USP34: variants seen among roughly 807,000 people sequenced by gnomAD.
USP34 encodes ubiquitin carboxyl-terminal hydrolase 34.
Under a neutral mutation model 460.3 loss-of-function variants are expected in USP34, and 70 were observed. The ratio of observed to expected loss-of-function variants is 0.15; its 90% CI spans 0.13 to 0.19. The LOEUF is 0.19. USP34 is among the 10% of genes least tolerant of loss of function. The pLI is 1.00. For synonymous variants in USP34, 1,647 were observed against 1,405.3 expected (o/e 1.17, Z -3.85); for missense variants, 3,985 against 4,236.2 (o/e 0.94, Z 1.65).
At chr2:61,423,024 C>CT (rs1234695519) in intron 1 of USP34, among the ~76,000 whole-genome samples, 1 of 152,102 alleles carries the variant, frequency 6.6e-6, no homozygotes, top group Non-Finnish European at 1.5e-5. Context: ...GTGAGACCCC[C>CT]TCTCAAAAAC....
At chr2:61,467,615 T>TAG (rs1553397157) in intron 1 of USP34, among the ~76,000 whole-genome samples, 1 of 120,114 alleles carries the variant, frequency 8.3e-6, no homozygotes, top group Non-Finnish European at 1.8e-5. Flanking sequence ...GACTGTAACT[T>TAG]TGTTTTTTTT....
intron 67 of USP34, among the ~76,000 whole-genome samples, chr2:61,219,024 C>T (rs1045737502): frequency 2.6e-5 from 4 of 152,168 alleles, no homozygotes; most frequent in Non-Finnish European, 5.9e-5. Context: ...GAGATGTGTA[C>T]ATATATTATA....
At chr2:61,381,171 C>T (rs1309128770) in intron 6 of USP34, among the ~76,000 whole-genome samples, 1 of 150,090 alleles carries the variant, frequency 6.7e-6, no homozygotes, top group East Asian at 1.9e-4. Flanking sequence ...CTGCCAAATC[C>T]CCCTCTGCAA....
chr2:61,190,892 T>C (rs1287138638), intron 76 of USP34: 3 of 403,876 alleles, frequency 7.4e-6, no homozygotes, highest in Non-Finnish European at 1.3e-5. Context: ...GGGAAGACAC[T>C]GATGCCGAAA....
rs763529801 is a variant in USP34 at position 61,227,147 on chromosome 2, T to C, written c.7515A>G (p.Ala2505=). 1 of 1,614,094 alleles carries C rather than the reference T, an allele frequency of 6.2e-7. No individual in the cohort carries two copies. Among genetic ancestry groups the C allele is most frequent in the South Asian group, 1.1e-5 (1 of 91,066 alleles). Residue 2505 remains alanine (A), a synonymous_variant, in exon 62 of 80, where the codon GCA becomes GCG. Transcript: ENST00000398571. The part of the protein sequence containing the change: ...EEEEEDILSL[A]EEKYRPAALE... ...GGGCAGCTGGCCTGTATTTTTCTTC[T>C]GCCAGAGAGAGGATATCTTCTTCCT...
intron 1 of USP34, among the ~76,000 whole-genome samples, chr2:61,422,737 G>A (rs1694398019): frequency 6.6e-6 from 1 of 152,186 alleles, no homozygotes; most frequent in East Asian, 1.9e-4. Flanking sequence ...AGAACTAACA[G>A]CCGGTAATCC....
At chr2:61,279,239 A>C (rs1689463229) in intron 39 of USP34, among the ~76,000 whole-genome samples, 1 of 152,210 alleles carries the variant, frequency 6.6e-6, no homozygotes, top group Non-Finnish European at 1.5e-5. Context: ...GTTAACTAAA[A>C]AGCAAAAAGT....
chr2:61,366,013 G>A (rs376024451), intron 10 of USP34, among the ~76,000 whole-genome samples: 50 of 152,030 alleles, frequency 3.3e-4, no homozygotes, highest in African/African-American at 1.1e-3. Flanking sequence ...GTACAATGGC[G>A]TGATCTCAGC....
At chr2:61,289,490 T>G (rs1020782590) in intron 33 of USP34, among the ~76,000 whole-genome samples, 1 of 152,132 alleles carries the variant, frequency 6.6e-6, no homozygotes, top group African/African-American at 2.4e-5. Context: ...AACAGTTCAC[T>G]TTCTTTAATT....
At chr2:61,439,525 T>A (rs1170555283) in intron 1 of USP34, among the ~76,000 whole-genome samples, 1 of 151,996 alleles carries the variant, frequency 6.6e-6, no homozygotes, top group Admixed American at 6.6e-5. Context: ...CCCAGCACCA[T>A]CCAGCTGTGT....
intron 27 of USP34, among the ~76,000 whole-genome samples, chr2:61,305,776 C>CTT (rs202131348): frequency 6.7e-6 from 1 of 149,382 alleles, no homozygotes; most frequent in Admixed American, 6.7e-5. Context: ...TCTTTATATC[C>CTT]TTTTTTTTTT....
intron 1 of USP34, among the ~76,000 whole-genome samples, chr2:61,441,668 T>C (rs544556251): frequency 6.6e-6 from 1 of 151,796 alleles, no homozygotes; most frequent in East Asian, 1.9e-4. Context: ...ACCAGGCATC[T>C]TGATGCATGC....
intron 10 of USP34, among the ~76,000 whole-genome samples, chr2:61,358,729 C>A (rs552514971): frequency 6.6e-6 from 1 of 152,228 alleles, no homozygotes; most frequent in Admixed American, 6.5e-5. Flanking sequence ...CCTAAAGAAT[C>A]CACAGGAGAA....
intron 1 of USP34, among the ~76,000 whole-genome samples, chr2:61,449,531 A>C (rs1182957962): frequency 6.6e-6 from 1 of 152,090 alleles, no homozygotes; most frequent in African/African-American, 2.4e-5. Context: ...AAAAACAAAA[A>C]AAAAACAAAG....
chr2:61,267,898 G>A (rs186155554), intron 41 of USP34, among the ~76,000 whole-genome samples: 2 of 151,562 alleles, frequency 1.3e-5, no homozygotes, highest in Non-Finnish European at 2.9e-5. Context: ...GGGATTACAG[G>A]CGTGAGCCAC....
chr2:61,231,907 A>G (rs536700842), intron 58 of USP34, among the ~76,000 whole-genome samples: 2 of 150,274 alleles, frequency 1.3e-5, no homozygotes, highest in African/African-American at 4.9e-5. Flanking sequence ...ACACACACGC[A>G]TATATATCTC....
intron 44 of USP34, among the ~76,000 whole-genome samples, chr2:61,258,122 G>A (rs540311134): frequency 3.6e-4 from 55 of 152,238 alleles, no homozygotes; most frequent in African/African-American, 1.3e-3. Context: ...GGGAGGGTAC[G>A]GCGAGTTGAT....
intron 67 of USP34, among the ~76,000 whole-genome samples, chr2:61,217,722 AGGTG>A (rs1687443095): frequency 6.6e-6 from 1 of 152,204 alleles, no homozygotes; most frequent in South Asian, 2.1e-4. Flanking sequence ...TGGGAGGCCG[AGGTG>A]GGTGGATCAC....
At chr2:61,382,686 A>G (rs907362224) in intron 6 of USP34, among the ~76,000 whole-genome samples, 1 of 152,240 alleles carries the variant, frequency 6.6e-6, no homozygotes, top group Non-Finnish European at 1.5e-5. Flanking sequence ...CTGACAGTTC[A>G]TACTTTAATT....
Sources: allele counts gnomAD v4.1 joint callset (sites outside exome capture counted in the v4.1 genomes callset), GRCh38; gene constraint gnomAD v4.1.1; transcripts MANE v1.5; gene names NCBI Gene and HGNC (gene_info 2026-07-23, HGNC 2026-07-21).